Variants in EPS15 observed in about 807,000 individuals in gnomAD.
EPS15 encodes epidermal growth factor receptor pathway substrate 15.
In EPS15, 72 loss-of-function variants were observed where a neutral mutation model predicts 113.8. The observed-to-expected ratio is 0.63, with a 90% CI of 0.52 to 0.77. The LOEUF (loss-of-function observed/expected upper bound fraction) is 0.77. Ranked by LOEUF, EPS15 falls within the 30% of genes least tolerant of loss-of-function variation. The pLI, the probability that EPS15 is intolerant of heterozygous loss-of-function variation, is 0.00. For synonymous variants in EPS15, 344 were observed against 363.4 expected, an observed-to-expected ratio of 0.95 and a Z score of 0.61; for missense variants, 1,048 against 1,045.8, an observed-to-expected ratio of 1.00 and a Z score of -0.03.
chr1:51,499,156 T>TA (rs1374131816), intron 1 of EPS15, among the ~76,000 whole-genome samples: 1 of 152,188 alleles, frequency 6.6e-6, no homozygotes, highest in Non-Finnish European at 1.5e-5. Context: ...CTGGAAGAAA[T>TA]AAATTTCTGT....
chr1:51,454,530 T>C (rs1653831295), intron 8 of EPS15, among the ~76,000 whole-genome samples: 1 of 152,236 alleles, frequency 6.6e-6, no homozygotes, highest in Non-Finnish European at 1.5e-5. Flanking sequence ...CTCCGTGTTA[T>C]TCTTTGCAAA....
chr1:51,489,288 T>C (rs1644186436), intron 1 of EPS15, among the ~76,000 whole-genome samples: 1 of 124,166 alleles, frequency 8.1e-6, no homozygotes, highest in Non-Finnish European at 1.9e-5. Flanking sequence ...TAGTATACCA[T>C]ATATATATAT....
intron 8 of EPS15, among the ~76,000 whole-genome samples, chr1:51,451,859 C>T (rs1256265518): frequency 1.3e-5 from 2 of 152,078 alleles, no homozygotes; most frequent in East Asian, 1.9e-4. Flanking sequence ...AAGAGTCCAG[C>T]AACCACGAAA....
chr1:51,430,716 G>A (rs1323662309), intron 12 of EPS15, among the ~76,000 whole-genome samples: 1 of 152,072 alleles, frequency 6.6e-6, no homozygotes, highest in Non-Finnish European at 1.5e-5. Context: ...AACACTTTGG[G>A]AGGCTGAAGT....
chr1:51,452,567 G>T (rs1199373093), intron 8 of EPS15, among the ~76,000 whole-genome samples: 4 of 152,136 alleles, frequency 2.6e-5, no homozygotes, highest in Non-Finnish European at 5.9e-5. Context: ...AGCACTCAAT[G>T]CAACAACATT....
intron 1 of EPS15, among the ~76,000 whole-genome samples, chr1:51,492,551 T>C (rs1644253511): frequency 1.3e-5 from 2 of 152,092 alleles, no homozygotes; most frequent in South Asian, 4.1e-4. Flanking sequence ...TATCACCAAC[T>C]CAAACCAGTA....
intron 13 of EPS15, among the ~76,000 whole-genome samples, chr1:51,411,168 C>T (rs1649684215): frequency 6.6e-6 from 1 of 152,156 alleles, no homozygotes; most frequent in South Asian, 2.1e-4. Context: ...CTGAACAATG[C>T]TTTCAATAAT....
At chr1:51,478,041 G>C (rs1193836022) in intron 2 of EPS15, among the ~76,000 whole-genome samples, 1 of 152,138 alleles carries the variant, frequency 6.6e-6, no homozygotes, top group African/African-American at 2.4e-5. Flanking sequence ...TCTGACTAAT[G>C]TTGACAGTGT....
chr1:51,454,697 G>C (rs973878767), intron 8 of EPS15, among the ~76,000 whole-genome samples: 1 of 152,130 alleles, frequency 6.6e-6, no homozygotes, highest in Non-Finnish European at 1.5e-5. Flanking sequence ...CTGAAAACAT[G>C]ACAACTAAAT....
intron 11 of EPS15, among the ~76,000 whole-genome samples, chr1:51,444,516 G>GTAT (rs1652852027): frequency 1.3e-5 from 2 of 152,228 alleles, no homozygotes; most frequent in South Asian, 4.1e-4. Context: ...TTTCAAATCT[G>GTAT]TATCATTTTA....
rs55955106 is a variant in EPS15 at position 51,378,147 on chromosome 1, C to T, written c.2120-12118G>A. Reference sequence around the variant, plus strand: ...CCTGACCTCAGGTGATTCACCCACCCCGGCCTCCCAAAGTGCTGGGATTAC... The same window carrying T: ...CCTGACCTCAGGTGATTCACCCACCTCGGCCTCCCAAAGTGCTGGGATTAC... On this transcript the variant is annotated intron_variant, in intron 21 of 24. Transcript: ENST00000371733. Among the ~76,000 whole-genome samples the T allele has an allele frequency of 3.3e-5, 5 of 151,854 alleles. No homozygotes were observed. In the South Asian group the frequency reaches 1.0e-3, roughly 32 times the overall value.
intron 2 of EPS15, among the ~76,000 whole-genome samples, chr1:51,476,040 A>C (rs918992540): frequency 2.0e-5 from 3 of 152,006 alleles, no homozygotes; most frequent in Non-Finnish European, 4.4e-5. Context: ...ATTGGTCTAT[A>C]TCTCTGTTTT....
rs77116471 is a variant in EPS15, at chr1:51,401,154, G to A, written c.1883-201C>T. 3.1e-3 allele frequency: 1,298 copies of A among 424,740 alleles called. 8 individuals carry two copies. Among genetic ancestry groups the A allele is most frequent in the African/African-American group, 0.025 (1,193 of 48,358 alleles). The allele number at this position is 424,740 out of a possible 1,614,324, so 26.3% of individuals were successfully genotyped here. A position where few individuals can be genotyped will look rare whatever the true frequency, so the allele number is the denominator to read the frequency against. On this transcript the variant is annotated intron_variant, in intron 18 of 24. Transcript: ENST00000371733. ...TACCTTGATCACAAGTTGAGGTTAC[G>A]GATGGAGGGGAAGACATTACAGCAA...
In EPS15 at chr1:51,378,748, C is replaced by T. The variant is rs1375867018; in HGVS notation, c.2120-12719G>A. 3.3e-5 allele frequency among the ~76,000 whole-genome samples: 5 copies of T among 152,206 alleles called. No individual in the cohort carries two copies. In the East Asian group the frequency reaches 9.6e-4, roughly 29 times the overall value. ...TTAAAAATACGTAACTAAAATTTGC[C>T]AACTTCCTGAAGACCTCTCTGGAAG... On this transcript the variant is annotated intron_variant, in intron 21 of 24. Coordinates refer to ENST00000371733, the MANE Select transcript of EPS15 (RefSeq NM_001981.3).
chr1:51,490,019 A>C (rs1237204448), intron 1 of EPS15, among the ~76,000 whole-genome samples: 1 of 152,222 alleles, frequency 6.6e-6, no homozygotes, highest in Non-Finnish European at 1.5e-5. Context: ...TAATCTAGCA[A>C]ATGTTAACAC....
At chr1:51,433,222 C>T (rs570032079) in intron 12 of EPS15, among the ~76,000 whole-genome samples, 2 of 152,318 alleles carry the variant, frequency 1.3e-5, no homozygotes, top group Admixed American at 1.3e-4. Flanking sequence ...GTTCATTCAG[C>T]TACTCCAACC....
At chr1:51,366,396 G>A (rs777143238) in intron 21 of EPS15, among the ~76,000 whole-genome samples, 7 of 152,078 alleles carry the variant, frequency 4.6e-5, no homozygotes, top group African/African-American at 7.2e-5. Flanking sequence ...TTTTCTTTTG[G>A]TTAATCACAT....
At chr1:51,496,611 T>C (rs564779746) in intron 1 of EPS15, among the ~76,000 whole-genome samples, 2 of 152,378 alleles carry the variant, frequency 1.3e-5, no homozygotes, top group African/African-American at 4.8e-5. Context: ...TGAATTGCTT[T>C]CGGCAATTAT....
intron 4 of EPS15, among the ~76,000 whole-genome samples, chr1:51,469,780 T>C (rs1049317635): frequency 6.6e-6 from 1 of 152,128 alleles, no homozygotes; most frequent in African/African-American, 2.4e-5. Flanking sequence ...CACAACCTTC[T>C]GTGCAATGTG....
Sources: allele counts gnomAD v4.1 joint callset (sites outside exome capture counted in the v4.1 genomes callset), GRCh38; gene constraint gnomAD v4.1.1; transcripts MANE v1.5; gene names NCBI Gene and HGNC (gene_info 2026-07-23, HGNC 2026-07-21).